The following SYCE1L variants were observed in gnomAD, a reference collection of about 807,000 sequenced individuals.
SYCE1L encodes the protein synaptonemal complex central element protein 1 like.
In SYCE1L, 51 loss-of-function variants were observed where a neutral mutation model predicts 39.6. The observed-to-expected ratio is 1.29, with a 90% CI of 1.03 to 1.63. The LOEUF (loss-of-function observed/expected upper bound fraction) is 1.63. Ranked by LOEUF, SYCE1L falls within the 40% of genes most tolerant of loss-of-function variation. The pLI, the probability that SYCE1L is intolerant of heterozygous loss-of-function variation, is 0.00. For synonymous variants in SYCE1L, 147 were observed against 122.4 expected (o/e 1.20, Z -1.33); for missense variants, 426 against 304.9 (o/e 1.40, Z -2.96).
chr16:77,201,266 G>A (rs1177765921), intron 1 of SYCE1L: 2 of 152,156 alleles, frequency 1.3e-5, no homozygotes, highest in East Asian at 3.8e-4. Context: ...AAATAAGACA[G>A]ATGCAAATAG....
rs951738624 is a variant in SYCE1L, at chr16:77,203,809, G to A, written c.62-2632G>A. Among the ~76,000 whole-genome samples, 5 of 151,814 alleles carry A rather than the reference G, an allele frequency of 3.3e-5. No individual in the cohort carries two copies. In the East Asian group the frequency reaches 9.7e-4, roughly 29 times the overall value. ...GGGGTTTTGCCACGTTGGCCAAGCT[G>A]GTCTCGAACTCCTGACCTCAGATGA... On this transcript the variant is annotated intron_variant, in intron 1 of 10. Transcript: ENST00000378644.
chr16:77,209,931 T>C (rs1321486196), intron 6 of SYCE1L, among the ~76,000 whole-genome samples: 2 of 152,172 alleles, frequency 1.3e-5, no homozygotes, highest in Non-Finnish European at 1.5e-5. Flanking sequence ...CCTAACAATC[T>C]TCCATCCATC....
At position 77,199,429 on chromosome 16, in the gene SYCE1L, G is replaced by T; in HGVS notation, c.-23G>T. 1 of 1,551,122 alleles carries T rather than the reference G, an allele frequency of 6.4e-7. No homozygotes were observed. On this transcript the variant is annotated 5_prime_UTR_variant, in exon 1 of 11. Transcript: ENST00000378644. ...TTTAACCAGTCATCAAGCGAGGCTC[G>T]CGCGCAGGCCCCGCGTTGGAAAATG...
intron 1 of SYCE1L, among the ~76,000 whole-genome samples, chr16:77,205,909 A>G (rs1356887830): frequency 6.6e-6 from 1 of 152,190 alleles, no homozygotes; most frequent in African/African-American, 2.4e-5. Context: ...TATATTAAAA[A>G]TAAAAATAAA....
At chr16:77,208,603 T>G (rs2054802247) in intron 4 of SYCE1L, 64 bp downstream of exon 4, 1 of 1,483,566 alleles carries the variant, frequency 6.7e-7, no homozygotes, top group Non-Finnish European at 9.2e-7. Context: ...CCTCAGGGCC[T>G]TTGCACAGGC....
intron 1 of SYCE1L, among the ~76,000 whole-genome samples, chr16:77,204,711 T>C (rs1055815406): frequency 6.6e-6 from 1 of 152,102 alleles, no homozygotes; most frequent in Non-Finnish European, 1.5e-5. Context: ...AAATACAAGA[T>C]GGGGTGCATC....
chr16:77,199,494 G>A lies in SYCE1L; in HGVS notation c.43G>A (p.Ala15Thr), dbSNP rs1011172908. Residue 15 changes from alanine (A) to threonine (T), a missense_variant, in exon 1 of 11, where the codon GCT (alanine) becomes ACT (threonine). By Grantham distance (58) the Ala-to-Thr change is moderately conservative (BLOSUM62 0). Coordinates refer to ENST00000378644, the MANE Select transcript of SYCE1L (RefSeq NM_001129979.3). ...LKPLNVEAPEATEEAEGQAKS... is the reference protein window; with the variant it reads ...LKPLNVEAPETTEEAEGQAKS... ...ACCTCTGAATGTGGAGGCGCCAGAA[G>A]CTACTGAGGAGGCTGAAGGTAGTGA... 7 of 1,551,494 alleles carry A rather than the reference G, an allele frequency of 4.5e-6. No individual in the cohort carries two copies. Among genetic ancestry groups the A allele is most frequent in the Middle Eastern group, 1.7e-4 (1 of 5,854 alleles).
intron 2 of SYCE1L, among the ~76,000 whole-genome samples, chr16:77,207,645 A>C (rs534118981): frequency 2.6e-5 from 4 of 152,282 alleles, no homozygotes; most frequent in African/African-American, 9.6e-5. Flanking sequence ...TTACATCTAA[A>C]GGCTTCCACG....
chr16:77,212,490 C>T (rs2054831671), intron 9 of SYCE1L, 84 bp from the exon 10 acceptor site: 4 of 1,538,076 alleles, frequency 2.6e-6, no homozygotes, highest in East Asian at 2.5e-5. Flanking sequence ...TCGGCGTCGT[C>T]GGGTCTCCGC....
chr16:77,213,106 C>G lies in SYCE1L; in HGVS notation c.*175C>G. 1.7e-6 allele frequency: 1 copy of G among 587,906 alleles called. No homozygotes were observed. Among genetic ancestry groups the G allele is most frequent in the Non-Finnish European group, 2.6e-6 (1 of 380,116 alleles). The allele number at this position is 587,906 out of a possible 1,614,324, so 36.4% of individuals were successfully genotyped here. ...GCCGGACCCCTCCCACCAGTCGAGC[C>G]CCGGGCGCCGTACAGAGGCTGGGTA... is the stretch of plus-strand genomic sequence containing the variant. On this transcript the variant is annotated 3_prime_UTR_variant, in exon 11 of 11. Transcript: ENST00000378644.
chr16:77,210,446 C>T (rs571625770), intron 6 of SYCE1L, among the ~76,000 whole-genome samples: 2 of 152,192 alleles, frequency 1.3e-5, no homozygotes, highest in Non-Finnish European at 2.9e-5. Context: ...ATGTGTGATA[C>T]TCAACCACAC....
chr16:77,211,349 T>C, intron 7 of SYCE1L, 73 bp downstream of exon 7: 1 of 1,518,984 alleles, frequency 6.6e-7, no homozygotes, highest in Non-Finnish European at 8.9e-7. Context: ...TGGCCCAGAG[T>C]CCACCCCTGC....
At chr16:77,202,307 C>G (rs2054751380) in intron 1 of SYCE1L, 2 of 152,188 alleles carry the variant, frequency 1.3e-5, no homozygotes, top group Non-Finnish European at 2.9e-5. Context: ...AATGGGAAAT[C>G]TGATATAAGG....
chr16:77,208,987 C>A, intron 4 of SYCE1L, 110 bp from the exon 5 acceptor site: 1 of 1,214,568 alleles, frequency 8.2e-7, no homozygotes, highest in Non-Finnish European at 1.2e-6. Context: ...AGATACCTCA[C>A]CTCTCCTAGG....
intron 1 of SYCE1L, among the ~76,000 whole-genome samples, chr16:77,205,433 A>AATATATATATATATATATATGTGTAT (rs145238524): frequency 4.1e-4 from 60 of 145,260 alleles, no homozygotes; most frequent in Middle Eastern, 3.3e-3. Flanking sequence ...CATAGAAGTA[A>AATATATATATATATATATATGTGTAT]ATATATATAT....
At chr16:77,204,723 T>G (rs915510445) in intron 1 of SYCE1L, among the ~76,000 whole-genome samples, 5 of 152,136 alleles carry the variant, frequency 3.3e-5, no homozygotes, top group Admixed American at 6.6e-5. Context: ...GGGTGCATCA[T>G]GTACAACATG....
At position 77,209,477 on chromosome 16, in the gene SYCE1L, A is replaced by T. The variant is rs897499779; in HGVS notation, c.359+6A>T. 7 of 1,551,736 alleles carry T rather than the reference A, an allele frequency of 4.5e-6. No individual in the cohort carries two copies. The highest frequency in any genetic ancestry group is 6.1e-6 in the Non-Finnish European group (7 of 1,147,006). ...AAGGAAAGCGAGGCTCAGAGGTAAGAGGCCCTGCCTCAGCTCTTCCCTACC... is the reference window on the plus strand; with the variant it reads ...AAGGAAAGCGAGGCTCAGAGGTAAGTGGCCCTGCCTCAGCTCTTCCCTACC... On this transcript the variant is annotated splice_donor_region_variant and intron_variant, in intron 6 of 10. Coordinates refer to ENST00000378644, the MANE Select transcript of SYCE1L (RefSeq NM_001129979.3).
chr16:77,206,151 A>G (rs2142515321), intron 1 of SYCE1L, among the ~76,000 whole-genome samples: 1 of 152,332 alleles, frequency 6.6e-6, no homozygotes, highest in East Asian at 1.9e-4. Context: ...AGCATCAGCA[A>G]ACATGCATTC....
Position 77,212,953 on chromosome 16 carries a change from C to A in SYCE1L, c.*22C>A, listed in dbSNP as rs1408420128. The A allele has an allele frequency of 2.0e-6, 3 of 1,475,436 alleles. No individual in the cohort carries two copies. The highest frequency in any genetic ancestry group is 2.7e-6 in the Non-Finnish European group (3 of 1,113,988). The allele number at this position is 1,475,436 out of a possible 1,614,324, so 91.4% of individuals were successfully genotyped here. On this transcript the variant is annotated 3_prime_UTR_variant, in exon 11 of 11. Coordinates refer to ENST00000378644, the MANE Select transcript of SYCE1L (RefSeq NM_001129979.3). ...CTAGGCCAGCAGGACCCGCCCGTTC[C>A]CGACCTTCCCTCGAGACCCGCCAAG...
Sources: allele counts gnomAD v4.1 joint callset (sites outside exome capture counted in the v4.1 genomes callset), GRCh38; gene constraint gnomAD v4.1.1; transcripts MANE v1.5; gene names NCBI Gene and HGNC (gene_info 2026-07-23, HGNC 2026-07-21).